PARP16: variants seen among roughly 807,000 people sequenced by gnomAD.
PARP16 encodes the protein protein mono-ADP-ribosyltransferase PARP16.
A neutral mutation model predicts 35.0 loss-of-function variants in PARP16; 31 were observed. The observed-to-expected ratio is 0.88, with a 90% CI of 0.66 to 1.19. The LOEUF (loss-of-function observed/expected upper bound fraction) is 1.19. Ranked by LOEUF, PARP16 falls within the 50% of genes most tolerant of loss-of-function variation. The probability of loss-of-function intolerance (pLI) is 0.00; values close to 1 mark genes in which losing one functional copy is unlikely to be tolerated. For missense variants in PARP16, 424 were observed against 411.2 expected, an observed-to-expected ratio of 1.03 and a Z score of -0.27; for synonymous variants, 162 against 169.5, an observed-to-expected ratio of 0.96 and a Z score of 0.34.
chr15:65,248,603 C>T (rs148096489), intron 2 of PARP16, among the ~76,000 whole-genome samples: 1 of 152,260 alleles, frequency 6.6e-6, no homozygotes, highest in African/African-American at 2.4e-5. Context: ...TCACACAAAC[C>T]CACCCTGATC....
At chr15:65,273,732 C>T (rs541128034) in intron 1 of PARP16, among the ~76,000 whole-genome samples, 6 of 151,864 alleles carry the variant, frequency 4.0e-5, no homozygotes, top group Admixed American at 2.0e-4. Flanking sequence ...CAAAATTAGC[C>T]GGGCGTAGTG....
rs140404078 is a variant in PARP16, at chr15:65,266,090, G to A, written c.519+472C>T. 7.5e-3 allele frequency among the ~76,000 whole-genome samples: 1,134 copies of A among 152,028 alleles called. 8 individuals carry two copies. Among genetic ancestry groups the A allele is most frequent in the Admixed American group, 0.014 (208 of 15,260 alleles). On this transcript the variant is annotated intron_variant, in intron 3 of 5. Coordinates refer to ENST00000649807, the MANE Select transcript of PARP16 (RefSeq NM_001316943.2). ...ATTACAGGCACCCACCACCATGCCC[G>A]GCTAATTTTTGTATTTTTAGTATGG...
intron 2 of PARP16, 54 bp downstream of exon 2, chr15:65,270,881 G>C: frequency 6.3e-7 from 1 of 1,583,508 alleles, no homozygotes; most frequent in Non-Finnish European, 8.7e-7. Context: ...ATTCAGTGCT[G>C]TCCTAGAGCC....
At chr15:65,248,965 C>T (rs1316940238) in intron 2 of PARP16, among the ~76,000 whole-genome samples, 1 of 152,184 alleles carries the variant, frequency 6.6e-6, no homozygotes, top group Non-Finnish European at 1.5e-5. Context: ...GGTTCCACTG[C>T]CCCAGCTCTA....
intron 1 of PARP16, among the ~76,000 whole-genome samples, chr15:65,277,529 T>C (rs2090293382): frequency 6.6e-6 from 1 of 152,206 alleles, no homozygotes; most frequent in African/African-American, 2.4e-5. Flanking sequence ...TTTGCATGAA[T>C]TTATTGTTAT....
chr15:65,259,131 T>C lies in PARP16; in HGVS notation c.*276A>G, dbSNP rs2089612780. On this transcript the variant is annotated 3_prime_UTR_variant, in exon 6 of 6. Coordinates refer to ENST00000649807, the MANE Select transcript of PARP16 (RefSeq NM_001316943.2). ...GCAGCAGGGCTTTTTCCTTTGGCCC[T>C]GGCTGAAAAGCCAACTCCCTAGGAC... The C allele has an allele frequency of 9.4e-6, 3 of 319,322 alleles. No individual in the cohort carries two copies. The Admixed American group carries it at 1.3e-4, about 14-fold the overall frequency. The allele number at this position is 319,322 out of a possible 1,614,324, so 19.8% of individuals were successfully genotyped here. A position where few individuals can be genotyped will look rare whatever the true frequency, so the allele number is the denominator to read the frequency against.
intron 1 of PARP16, among the ~76,000 whole-genome samples, chr15:65,272,460 C>T (rs879416456): frequency 6.6e-6 from 1 of 152,184 alleles, no homozygotes; most frequent in African/African-American, 2.4e-5. Context: ...TCAAACCTCT[C>T]CAGCATGGCA....
chr15:65,232,874 T>C (rs533000921), downstream of PARP16, among the ~76,000 whole-genome samples: 2 of 150,092 alleles, frequency 1.3e-5, no homozygotes, highest in South Asian at 2.1e-4. Flanking sequence ...CTAGCCAACA[T>C]AGTGAGAGCC....
intron 2 of PARP16, among the ~76,000 whole-genome samples, chr15:65,248,710 T>C (rs1446206411): frequency 1.3e-5 from 2 of 152,194 alleles, no homozygotes; most frequent in Admixed American, 1.3e-4. Flanking sequence ...TCCCACACTG[T>C]CTGCCTCCTT....
intron 2 of PARP16, among the ~76,000 whole-genome samples, chr15:65,250,722 C>A (rs959387812): frequency 6.6e-6 from 1 of 152,300 alleles, no homozygotes; most frequent in Non-Finnish European, 1.5e-5. Context: ...CCTGGTCAGA[C>A]CTACCCATTG....
Position 65,286,421 on chromosome 15 carries a change from C to T in PARP16, c.6G>A (p.Gln2=). The T allele has an allele frequency of 6.6e-7, 1 of 1,523,860 alleles. No homozygotes were observed. Among genetic ancestry groups the T allele is most frequent in the Admixed American group, 2.1e-5 (1 of 46,904 alleles). 94.4% of individuals were successfully genotyped at this position (1,523,860 alleles called of 1,614,324 possible). The change falls in exon 1 of 6, where the codon CAG becomes CAA. Residue 2 remains glutamine, a synonymous_variant. Coordinates refer to ENST00000649807, the MANE Select transcript of PARP16 (RefSeq NM_001316943.2). The part of the protein sequence containing the change: M[Q]PSGWAAAREA... ...CCCTGGCGGCCGCCCAGCCTGAGGG[C>T]TGCATCCCAGGTCACTGCGCGTTGC...
chr15:65,271,201 A>C, intron 1 of PARP16, 129 bp from the exon 2 acceptor site: 1 of 803,996 alleles, frequency 1.2e-6, no homozygotes, highest in East Asian at 2.5e-5. Flanking sequence ...GGAAATTCAC[A>C]GGTCTACAAT....
intron 2 of PARP16, among the ~76,000 whole-genome samples, chr15:65,267,151 G>C (rs1469728827): frequency 6.6e-6 from 1 of 152,110 alleles, no homozygotes; most frequent in African/African-American, 2.4e-5. Context: ...TGAGGCAGAA[G>C]AATCACTTGA....
intron 3 of PARP16, among the ~76,000 whole-genome samples, chr15:65,238,419 C>T (rs2088950478): frequency 1.3e-5 from 2 of 152,210 alleles, no homozygotes; most frequent in African/African-American, 4.8e-5. Context: ...CACATCTGTC[C>T]CTGGCCCAGG....
At chr15:65,249,825 G>A (rs1337527277) in intron 2 of PARP16, among the ~76,000 whole-genome samples, 1 of 152,178 alleles carries the variant, frequency 6.6e-6, no homozygotes, top group Non-Finnish European at 1.5e-5. Context: ...TGTGCCTCTG[G>A]GCTCACCTCC....
At chr15:65,269,918 T>A (rs1031392717) in intron 2 of PARP16, among the ~76,000 whole-genome samples, 3 of 152,108 alleles carry the variant, frequency 2.0e-5, no homozygotes, top group Non-Finnish European at 4.4e-5. Flanking sequence ...ATTCAACACA[T>A]AACAACAGTG....
chr15:65,272,373 A>AGGGACTG (rs760127329), intron 1 of PARP16, among the ~76,000 whole-genome samples: 3 of 152,232 alleles, frequency 2.0e-5, no homozygotes, highest in Non-Finnish European at 4.4e-5. Flanking sequence ...ATTTCTGATA[A>AGGGACTG]GGGACTGGGG....
intron 1 of PARP16, among the ~76,000 whole-genome samples, chr15:65,278,196 T>C (rs1766616528): frequency 6.6e-6 from 1 of 152,216 alleles, no homozygotes; most frequent in South Asian, 2.1e-4. Context: ...GAAGACTGTG[T>C]TGAACTGGTG....
At chr15:65,268,999 C>G (rs1002141324) in intron 2 of PARP16, among the ~76,000 whole-genome samples, 6 of 152,098 alleles carry the variant, frequency 3.9e-5, no homozygotes, top group Non-Finnish European at 7.3e-5. Context: ...AAGTGATCCG[C>G]CTGCCTTGGC....
Sources: allele counts gnomAD v4.1 joint callset (sites outside exome capture counted in the v4.1 genomes callset), GRCh38; gene constraint gnomAD v4.1.1; transcripts MANE v1.5; gene names NCBI Gene and HGNC (gene_info 2026-07-23, HGNC 2026-07-21).